Variants in ACYP2 observed in about 807,000 individuals in gnomAD.
ACYP2 encodes acylphosphatase 2, also known as acylphosphatase-2.
In ACYP2, 12 loss-of-function variants were observed where a neutral mutation model predicts 11.2. The observed-to-expected ratio is 1.08, with a 90% CI of 0.69 to 1.74. ACYP2 has a LOEUF of 1.74. Among genes scored for constraint, ACYP2 ranks in the 40% most tolerant of loss-of-function variants. The pLI, the probability that ACYP2 is intolerant of heterozygous loss-of-function variation, is 0.00. For synonymous variants in ACYP2, 43 were observed against 32.2 expected (o/e 1.33, Z -1.13); for missense variants, 134 against 101.9 (o/e 1.31, Z -1.35).
intron 4 of ACYP2, among the ~76,000 whole-genome samples, chr2:54,100,197 C>T (rs752838272): frequency 5.3e-5 from 8 of 150,082 alleles, no homozygotes; most frequent in African/African-American, 2.0e-4. Flanking sequence ...ATTTAGTTCA[C>T]TGTATAGCCA....
At chr2:54,298,415 C>T (rs1689601931) in intron 6 of ACYP2, among the ~76,000 whole-genome samples, 1 of 152,210 alleles carries the variant, frequency 6.6e-6, no homozygotes, top group Admixed American at 6.5e-5. Flanking sequence ...CTGCTCCCTC[C>T]TCAACCCTAC....
chr2:54,159,744 T>C (rs1244288700), intron 6 of ACYP2, among the ~76,000 whole-genome samples: 1 of 151,862 alleles, frequency 6.6e-6, no homozygotes. Flanking sequence ...GTGGGAAGAG[T>C]GCTCCTCCTG....
At chr2:53,971,828 G>C (rs771710598) in intron 1 of ACYP2, among the ~76,000 whole-genome samples, 1 of 152,186 alleles carries the variant, frequency 6.6e-6, no homozygotes, top group African/African-American at 2.4e-5. Flanking sequence ...ACGTATTTCA[G>C]CTGAGAGAAC....
intron 4 of ACYP2, among the ~76,000 whole-genome samples, chr2:54,122,534 A>T (rs1680220396): frequency 6.6e-6 from 1 of 152,236 alleles, no homozygotes; most frequent in Admixed American, 6.5e-5. Flanking sequence ...AGGCCACGAA[A>T]GCCCATAGAT....
At chr2:54,298,718 G>C (rs1689613080) in intron 6 of ACYP2, among the ~76,000 whole-genome samples, 1 of 152,184 alleles carries the variant, frequency 6.6e-6, no homozygotes, top group Non-Finnish European at 1.5e-5. Context: ...TGTCACACAG[G>C]AGAGCAGCTG....
intron 6 of ACYP2, among the ~76,000 whole-genome samples, chr2:54,196,474 C>G (rs1684486068): frequency 6.6e-6 from 1 of 152,178 alleles, no homozygotes; most frequent in Non-Finnish European, 1.5e-5. Context: ...AGACCTCCAG[C>G]CAAGATTTAA....
At chr2:54,231,318 C>G (rs1377764323) in intron 6 of ACYP2, among the ~76,000 whole-genome samples, 3 of 152,118 alleles carry the variant, frequency 2.0e-5, no homozygotes, top group Non-Finnish European at 4.4e-5. Context: ...GAGTTTGACT[C>G]TTTTCGTCAA....
At chr2:54,034,431 C>G (rs1015836076) in intron 2 of ACYP2, among the ~76,000 whole-genome samples, 1 of 152,120 alleles carries the variant, frequency 6.6e-6, no homozygotes, top group Admixed American at 6.6e-5. Flanking sequence ...TCTAGATACA[C>G]GAATACTTAC....
At chr2:54,169,900 A>T (rs1179495615) in intron 6 of ACYP2, among the ~76,000 whole-genome samples, 1 of 152,178 alleles carries the variant, frequency 6.6e-6, no homozygotes, top group Non-Finnish European at 1.5e-5. Flanking sequence ...CTAATTTCAG[A>T]TTAACTGGTA....
chr2:54,254,391 GCAGGC>G, intron 6 of ACYP2: 1 of 153,676 alleles, frequency 6.5e-6, no homozygotes, highest in Non-Finnish European at 1.4e-5. Context: ...ATAGCCAGTA[GCAGGC>G]AGCAATAGGT....
intron 4 of ACYP2, among the ~76,000 whole-genome samples, chr2:54,058,709 ATTTTT>A (rs58430648): frequency 7.4e-6 from 1 of 135,288 alleles, no homozygotes; most frequent in Admixed American, 7.6e-5. Flanking sequence ...CTGGCTGATA[ATTTTT>A]TTTTTTTTTT....
intron 6 of ACYP2, among the ~76,000 whole-genome samples, chr2:54,201,664 TTCTTTCTTTCTTTCTTTCTCTC>T (rs1684826248): frequency 1.9e-5 from 2 of 103,202 alleles, no homozygotes; most frequent in African/African-American, 7.3e-5. Flanking sequence ...CTTTCTTTCT[TTCTTTCTTTCTTTCTTTCTCTC>T]TCTCTCTCTC....
chr2:54,143,736 T>TTTG (rs1681734956), intron 6 of ACYP2, among the ~76,000 whole-genome samples: 1 of 91,002 alleles, frequency 1.1e-5, no homozygotes. Flanking sequence ...CCAGCCGGTT[T>TTTG]TTTTTTTTTT....
chr2:54,233,841 A>G lies in ACYP2; in HGVS notation c.405-70847A>G, dbSNP rs1686351987. On this transcript the variant is annotated intron_variant, in intron 6 of 6. Transcript: ENST00000607452. ...TCACGGGAAAATGGAATTAAAAGAT[A>G]AAAAGAAAAAATATAAACTTTATTT... Among the ~76,000 whole-genome samples, 5 of 152,074 alleles carry G rather than the reference A, an allele frequency of 3.3e-5. 1 individual carries two copies. The South Asian group carries it at 1.0e-3, about 31-fold the overall frequency.
chr2:54,143,759 G>GT (rs1249489466), intron 6 of ACYP2, among the ~76,000 whole-genome samples: 2 of 107,166 alleles, frequency 1.9e-5, no homozygotes, highest in Non-Finnish European at 3.8e-5. Context: ...TTTTTTTTTG[G>GT]GGGGGGGGTA....
Position 54,073,203 on chromosome 2 carries a change from C to T in ACYP2, c.277+15843C>T, listed in dbSNP as rs148006149. ...GTATCTACATACAAATGAATGAAGG[C>T]GGACTCTGACTTCACACCATATGTA... is the stretch of plus-strand genomic sequence containing the variant. On this transcript the variant is annotated intron_variant, in intron 4 of 6. Coordinates refer to ENST00000607452, the MANE Select transcript of ACYP2 (RefSeq NM_001320586.2). Among the ~76,000 whole-genome samples the T allele has an allele frequency of 2.5e-3, 382 of 152,150 alleles. 6 individuals carry two copies. The highest frequency in any genetic ancestry group is 2.1e-3 in the East Asian group (11 of 5,174).
At chr2:54,115,905 G>GGGGT (rs1447852707) in intron 4 of ACYP2, 149 bp downstream of exon 1, 10 of 1,048,570 alleles carry the variant, frequency 9.5e-6, no homozygotes, top group Middle Eastern at 2.5e-4. Flanking sequence ...GGCGGGGAGG[G>GGGGT]AGGCGAAACG....
intron 6 of ACYP2, among the ~76,000 whole-genome samples, chr2:54,265,591 T>C (rs1393497836): frequency 1.3e-5 from 2 of 152,224 alleles, no homozygotes; most frequent in African/African-American, 2.4e-5. Context: ...ATTATGACTT[T>C]GGGCAAACGC....
At chr2:54,123,210 A>C (rs1464411118) in intron 4 of ACYP2, 1 of 396,482 alleles carries the variant, frequency 2.5e-6, no homozygotes, top group African/African-American at 2.1e-5. Flanking sequence ...TCACAGAAGG[A>C]ATTTCCGCTA....
Sources: gnomAD v4.1 joint callset for allele counts (sites outside exome capture counted in the v4.1 genomes callset) on GRCh38, gnomAD v4.1.1 for gene constraint, MANE v1.5 for transcripts, NCBI Gene and HGNC (gene_info 2026-07-23, HGNC 2026-07-21) for gene names.